Variants in SHANK2 observed in about 807,000 individuals in gnomAD.
The protein encoded by SHANK2 is SH3 and multiple ankyrin repeat domains 2, also known as SH3 and multiple ankyrin repeat domains protein 2.
SHANK2 carries 43 observed loss-of-function variants against 133.7 expected under a neutral mutation model. The observed-to-expected ratio is 0.32, with a 90% CI of 0.25 to 0.41. The LOEUF (loss-of-function observed/expected upper bound fraction) is 0.41. Ranked by LOEUF, SHANK2 falls within the 10% of genes least tolerant of loss-of-function variation. The probability of loss-of-function intolerance (pLI) is 1.00; values close to 1 mark genes in which losing one functional copy is unlikely to be tolerated. For missense variants in SHANK2, 1,994 were observed against 2,235.8 expected, an observed-to-expected ratio of 0.89 and a Z score of 2.18; for synonymous variants, 1,017 against 952.8, an observed-to-expected ratio of 1.07 and a Z score of -1.24.
In SHANK2 at chr11:70,698,764, C is replaced by T; in HGVS notation, c.1778-1G>A. 1 of 718,614 alleles carries T rather than the reference C, an allele frequency of 1.4e-6. No homozygotes were observed. 44.5% of individuals were successfully genotyped at this position (718,614 alleles called of 1,614,324 possible). On this transcript the variant is annotated splice_acceptor_variant, in intron 14 of 25. Coordinates refer to ENST00000601538, the MANE Select transcript of SHANK2 (RefSeq NM_012309.5). LOFTEE classifies it high-confidence loss of function. ...TTCTTGCTGCGGTCAGCGCGGGTTT[C>T]TGTACAGAGAGGGAAGAGAAACACC...
intron 17 of SHANK2, among the ~76,000 whole-genome samples, chr11:70,598,072 G>C (rs557639433): frequency 1.8e-4 from 27 of 152,220 alleles, no homozygotes; most frequent in Admixed American, 1.1e-3. Context: ...TGGACACTCA[G>C]GGGTGGAGTG....
chr11:70,873,075 C>A (rs1188991921), intron 11 of SHANK2: 8 of 471,244 alleles, frequency 1.7e-5, no homozygotes, highest in Admixed American at 4.7e-5. Flanking sequence ...CGGGTGGCGA[C>A]CCTCAGGAAG....
At chr11:70,552,006 T>C (rs1452301592) in intron 17 of SHANK2, among the ~76,000 whole-genome samples, 1 of 152,256 alleles carries the variant, frequency 6.6e-6, no homozygotes, top group Non-Finnish European at 1.5e-5. Flanking sequence ...TCCTGGGGTC[T>C]GTACATTTTA....
chr11:70,893,214 C>G (rs1489369450), intron 11 of SHANK2, among the ~76,000 whole-genome samples: 3 of 152,180 alleles, frequency 2.0e-5, no homozygotes, highest in African/African-American at 4.8e-5. Context: ...ATTCATTCAC[C>G]CAGAAGTTGG....
intron 17 of SHANK2, among the ~76,000 whole-genome samples, chr11:70,545,110 C>T (rs141121389): frequency 2.4e-4 from 36 of 152,302 alleles, no homozygotes; most frequent in Non-Finnish European, 4.9e-4. Flanking sequence ...GGAGGGGTTG[C>T]GCTCTGATTC....
chr11:71,225,369 G>A (rs1954622432), intron 1 of SHANK2, among the ~76,000 whole-genome samples: 1 of 152,146 alleles, frequency 6.6e-6, no homozygotes, highest in Admixed American at 6.5e-5. Context: ...AGCAACGGAA[G>A]GAGCTAGCAC....
intron 17 of SHANK2, among the ~76,000 whole-genome samples, chr11:70,646,820 TTTTATTTATTTTATTTATTTA>T (rs1358986548): frequency 5.8e-4 from 81 of 140,134 alleles, no homozygotes; most frequent in African/African-American, 1.4e-3. Context: ...GGAATCTAAC[TTTTATTTATTTTATTTATTTA>T]TTTATTTATT....
chr11:70,675,358 C>T (rs781917592), intron 15 of SHANK2, among the ~76,000 whole-genome samples: 6 of 152,096 alleles, frequency 3.9e-5, no homozygotes, highest in South Asian at 2.1e-4. Context: ...TCATAATGAC[C>T]GTATGAGGCA....
intron 10 of SHANK2, among the ~76,000 whole-genome samples, chr11:70,902,316 G>C (rs1339917298): frequency 6.6e-6 from 1 of 152,218 alleles, no homozygotes; most frequent in African/African-American, 2.4e-5. Context: ...CAAAGCAACA[G>C]TCTGTGTTTC....
chr11:70,613,314 C>A (rs1221463808), intron 17 of SHANK2, among the ~76,000 whole-genome samples: 1 of 152,020 alleles, frequency 6.6e-6, no homozygotes, highest in Non-Finnish European at 1.5e-5. Flanking sequence ...TGCCATTCTC[C>A]TGCCTCCGCC....
chr11:71,139,279 G>A (rs1394436665), intron 3 of SHANK2, among the ~76,000 whole-genome samples: 7 of 149,172 alleles, frequency 4.7e-5, no homozygotes, highest in Non-Finnish European at 8.9e-5. Flanking sequence ...AGCAGAGCCC[G>A]ACAAAGGCCG....
intron 14 of SHANK2, among the ~76,000 whole-genome samples, chr11:70,728,877 G>C (rs1296080970): frequency 3.3e-5 from 5 of 152,186 alleles, no homozygotes; most frequent in Non-Finnish European, 7.3e-5. Context: ...AGTGGGAGAT[G>C]GTGCAGCACG....
At chr11:71,073,775 CT>C (rs1951181729) in intron 9 of SHANK2, among the ~76,000 whole-genome samples, 1 of 152,150 alleles carries the variant, frequency 6.6e-6, no homozygotes, top group Non-Finnish European at 1.5e-5. Context: ...GGAAGGCCTG[CT>C]TTTTTCATGT....
At chr11:70,912,589 T>A (rs373333797) in intron 10 of SHANK2, among the ~76,000 whole-genome samples, 3 of 152,212 alleles carry the variant, frequency 2.0e-5, no homozygotes, top group Admixed American at 1.3e-4. Flanking sequence ...TCCCCAGCCG[T>A]GTGGAACTGT....
chr11:70,764,663 A>G (rs12576401), intron 14 of SHANK2, among the ~76,000 whole-genome samples: 1 of 150,498 alleles, frequency 6.6e-6, no homozygotes, highest in Non-Finnish European at 1.5e-5. Flanking sequence ...CCACCCACTC[A>G]TGCATCCACA....
At chr11:71,097,294 C>G (rs549599654) in intron 6 of SHANK2, among the ~76,000 whole-genome samples, 1 of 152,074 alleles carries the variant, frequency 6.6e-6, no homozygotes, top group East Asian at 1.9e-4. Flanking sequence ...GAATCACCCC[C>G]GAGAAGATGC....
chr11:70,883,553 C>A (rs1448318811), intron 11 of SHANK2, among the ~76,000 whole-genome samples: 5 of 152,118 alleles, frequency 3.3e-5, no homozygotes, highest in African/African-American at 1.2e-4. Flanking sequence ...CAGGACCAGA[C>A]CAAGAGAACA....
intron 17 of SHANK2, among the ~76,000 whole-genome samples, chr11:70,626,617 C>G (rs1485672052): frequency 6.6e-6 from 1 of 152,210 alleles, no homozygotes; most frequent in Non-Finnish European, 1.5e-5. Flanking sequence ...CGCCGAGTGG[C>G]AAGCTTTATG....
chr11:71,131,190 T>C (rs1424494818), intron 3 of SHANK2, among the ~76,000 whole-genome samples: 1 of 152,196 alleles, frequency 6.6e-6, no homozygotes. Flanking sequence ...CAAATGCAAT[T>C]ATCCAAATGA....
Sources: allele counts gnomAD v4.1 joint callset (sites outside exome capture counted in the v4.1 genomes callset), GRCh38; gene constraint gnomAD v4.1.1; transcripts MANE v1.5; gene names NCBI Gene and HGNC (gene_info 2026-07-23, HGNC 2026-07-21).